The following DAPL1 variants were observed in gnomAD, a reference collection of about 807,000 sequenced individuals.
DAPL1 encodes death associated protein like 1.
DAPL1 carries 17 observed loss-of-function variants against 12.9 expected under a neutral mutation model. The ratio of observed to expected loss-of-function variants is 1.32; its 90% CI spans 0.90 to 1.98. The LOEUF is 1.98. Among genes scored for constraint, DAPL1 ranks in the 30% most tolerant of loss-of-function variants. DAPL1 has a pLI of 0.00. For synonymous variants in DAPL1, 51 were observed against 42.0 expected (o/e 1.21, Z -0.82); for missense variants, 157 against 125.7 (o/e 1.25, Z -1.19).
Position 158,815,978 on chromosome 2 carries a change from C to A in DAPL1, c.*157C>A. On this transcript the variant is annotated 3_prime_UTR_variant, in exon 4 of 4. Coordinates refer to ENST00000309950, the MANE Select transcript of DAPL1 (RefSeq NM_001017920.3). ...GACTTTAGGTAATAAAGCATCCAAACTTGTAAATCTGACACATCCCTGTGC... is the reference window on the plus strand; with the variant it reads ...GACTTTAGGTAATAAAGCATCCAAAATTGTAAATCTGACACATCCCTGTGC... 1 of 611,808 alleles carries A rather than the reference C, an allele frequency of 1.6e-6. No homozygotes were observed. The highest frequency in any genetic ancestry group is 2.9e-6 in the Non-Finnish European group (1 of 342,154). The allele number at this position is 611,808 out of a possible 1,614,324, so 37.9% of individuals were successfully genotyped here.
intron 3 of DAPL1, among the ~76,000 whole-genome samples, chr2:158,810,064 C>CTG (rs1409298200): frequency 1.3e-5 from 2 of 152,154 alleles, no homozygotes; most frequent in African/African-American, 4.8e-5. Flanking sequence ...TAGTCACAAA[C>CTG]TGTATGTACT....
chr2:158,809,508 G>A (rs1245147733), intron 3 of DAPL1, among the ~76,000 whole-genome samples: 1 of 152,172 alleles, frequency 6.6e-6, no homozygotes. Context: ...GCCATAGGCT[G>A]CCGGGTTCCT....
chr2:158,811,957 A>G (rs2059233153), intron 3 of DAPL1, among the ~76,000 whole-genome samples: 1 of 152,158 alleles, frequency 6.6e-6, no homozygotes, highest in Admixed American at 6.5e-5. Flanking sequence ...TACCACAAAG[A>G]ATTAGTACAT....
chr2:158,811,676 A>G (rs987940157), intron 3 of DAPL1, among the ~76,000 whole-genome samples: 1 of 152,202 alleles, frequency 6.6e-6, no homozygotes, highest in Admixed American at 6.5e-5. Flanking sequence ...ACAGCAAGGC[A>G]GGATCCTTGT....
intron 1 of DAPL1, among the ~76,000 whole-genome samples, chr2:158,800,952 G>A (rs1175739588): frequency 1.3e-5 from 2 of 152,140 alleles, no homozygotes; most frequent in South Asian, 2.1e-4. Context: ...CAATTCTCCT[G>A]TCTCAGCCTC....
chr2:158,803,915 C>T (rs1422459002), intron 1 of DAPL1, among the ~76,000 whole-genome samples: 2 of 152,092 alleles, frequency 1.3e-5, no homozygotes, highest in African/African-American at 4.8e-5. Context: ...CAGAGGGTCA[C>T]GTTGTAATTG....
Position 158,815,931 on chromosome 2 carries a change from C to G in DAPL1, c.*110C>G, listed in dbSNP as rs2059259371. The G allele has an allele frequency of 1.2e-4, 88 of 740,120 alleles. No individual in the cohort carries two copies. The South Asian group carries it at 1.3e-3, about 11-fold the overall frequency. 45.8% of individuals were successfully genotyped at this position (740,120 alleles called of 1,614,324 possible). A position where few individuals can be genotyped will look rare whatever the true frequency, so the allele number is the denominator to read the frequency against. On this transcript the variant is annotated 3_prime_UTR_variant, in exon 4 of 4. Transcript: ENST00000309950. ...TGCTGCACTTGCTTGGTAAATTAAGCAGCTTTTGTATCTTCCCCTTTGACT... is the reference window on the plus strand; with the variant it reads ...TGCTGCACTTGCTTGGTAAATTAAGGAGCTTTTGTATCTTCCCCTTTGACT...
At chr2:158,802,557 CAA>C (rs1289649580) in intron 1 of DAPL1, among the ~76,000 whole-genome samples, 6 of 152,164 alleles carry the variant, frequency 3.9e-5, no homozygotes, top group African/African-American at 1.4e-4. Flanking sequence ...ACTCACACAC[CAA>C]ATCGTCAAGG....
chr2:158,797,680 A>G, intron 1 of DAPL1, among the ~76,000 whole-genome samples: 1 of 152,094 alleles, frequency 6.6e-6, no homozygotes, highest in East Asian at 1.9e-4. Context: ...AATCCCAGCT[A>G]CTTGGGAGGC....
At chr2:158,811,681 C>A (rs1184533994) in intron 3 of DAPL1, among the ~76,000 whole-genome samples, 2 of 152,158 alleles carry the variant, frequency 1.3e-5, no homozygotes, top group African/African-American at 4.8e-5. Context: ...AAGGCAGGAT[C>A]CTTGTACATA....
intron 1 of DAPL1, among the ~76,000 whole-genome samples, chr2:158,801,417 G>A (rs1271271527): frequency 2.0e-5 from 3 of 152,142 alleles, no homozygotes; most frequent in Non-Finnish European, 4.4e-5. Context: ...CCCATACAGA[G>A]GCACACACGC....
chr2:158,806,926 T>C (rs746532107), intron 2 of DAPL1, 129 bp from the exon 3 acceptor site: 2 of 615,280 alleles, frequency 3.3e-6, no homozygotes, highest in Admixed American at 2.6e-5. Context: ...GCAAAATCTG[T>C]GTCTTCTAGA....
rs540622163 is a variant in DAPL1, at chr2:158,797,133, G to A, written c.58+1703G>A. 5.9e-5 allele frequency among the ~76,000 whole-genome samples: 9 copies of A among 152,322 alleles called. No individual in the cohort carries two copies. The South Asian group carries it at 1.5e-3, about 25-fold the overall frequency. On this transcript the variant is annotated intron_variant, in intron 1 of 3. Coordinates refer to ENST00000309950, the MANE Select transcript of DAPL1 (RefSeq NM_001017920.3). ...ATCCCTAAAAGTGGGAAGAAGATAC[G>A]ATTCGGTGGGGAGGGTGGGACATAC...
chr2:158,807,195 C>A, intron 3 of DAPL1, 80 bp downstream of exon 3: 1 of 1,111,320 alleles, frequency 9.0e-7, no homozygotes, highest in South Asian at 1.7e-5. Context: ...GAGCGGATGA[C>A]CACTGAGGTT....
rs751247893 is a variant in DAPL1 at position 158,807,092 on chromosome 2, G to A, written c.184G>A (p.Ala62Thr). 7.1e-5 allele frequency: 114 copies of A among 1,611,060 alleles called. No homozygotes were observed. Among genetic ancestry groups the A allele is most frequent in the Non-Finnish European group, 9.5e-5 (112 of 1,178,098 alleles). The change falls in exon 3 of 4, where the codon GCC (alanine) becomes ACC (threonine). Residue 62 changes from alanine to threonine, a missense_variant. Coordinates refer to ENST00000309950, the MANE Select transcript of DAPL1 (RefSeq NM_001017920.3). Reference protein sequence around the residue: ...ANVAKIQTLDALNDALEKLNY... With the variant: ...ANVAKIQTLDTLNDALEKLNY... ...TGTTGCCAAAATACAGACACTGGAT[G>A]CCCTGAATGACGCACTGGAGAAGGT...
intron 3 of DAPL1, among the ~76,000 whole-genome samples, chr2:158,810,400 C>T (rs2059224191): frequency 1.3e-5 from 2 of 152,106 alleles, no homozygotes; most frequent in Non-Finnish European, 2.9e-5. Context: ...TGTCTAGTCC[C>T]AAGAACCCAT....
intron 1 of DAPL1, among the ~76,000 whole-genome samples, chr2:158,796,033 T>G (rs766053972): frequency 2.0e-5 from 3 of 152,222 alleles, no homozygotes; most frequent in Non-Finnish European, 2.9e-5. Context: ...GTCAAGGTGT[T>G]TGCAAAGCAT....
At chr2:158,799,667 T>C (rs765316542) in intron 1 of DAPL1, among the ~76,000 whole-genome samples, 2 of 152,142 alleles carry the variant, frequency 1.3e-5, no homozygotes, top group Admixed American at 1.3e-4. Context: ...TTCTTTCTAC[T>C]GTACATAGAT....
At chr2:158,812,167 C>T (rs1032695509) in intron 3 of DAPL1, among the ~76,000 whole-genome samples, 45 of 152,200 alleles carry the variant, frequency 3.0e-4, no homozygotes, top group Non-Finnish European at 6.2e-4. Flanking sequence ...AAAAGCTGTA[C>T]ACTTGTAGCT....
Sources: allele counts gnomAD v4.1 joint callset (sites outside exome capture counted in the v4.1 genomes callset), GRCh38; gene constraint gnomAD v4.1.1; transcripts MANE v1.5; gene names NCBI Gene and HGNC (gene_info 2026-07-23, HGNC 2026-07-21).